TBCD: variants seen among roughly 807,000 people sequenced by gnomAD.
TBCD encodes the protein tubulin folding cofactor D.
In TBCD, 105 loss-of-function variants were observed where a neutral mutation model predicts 169.3. The ratio of observed to expected loss-of-function variants is 0.62; its 90% CI spans 0.53 to 0.73. The LOEUF (loss-of-function observed/expected upper bound fraction) is 0.73. Among genes scored for constraint, TBCD ranks in the 30% least tolerant of loss-of-function variants. The probability of loss-of-function intolerance (pLI) is 0.00; values close to 1 mark genes in which losing one functional copy is unlikely to be tolerated. For missense variants in TBCD, 1,444 were observed against 1,600.1 expected (o/e 0.90, Z 1.66); for synonymous variants, 700 against 643.9 (o/e 1.09, Z -1.32).
At chr17:82,818,535 G>A (rs1278721053) in intron 13 of TBCD, among the ~76,000 whole-genome samples, 8 of 152,220 alleles carry the variant, frequency 5.3e-5, no homozygotes, top group Admixed American at 1.3e-4. Flanking sequence ...GGAGGCCAAG[G>A]CAGGAGGATC....
chr17:82,923,880 T>G lies in TBCD; in HGVS notation c.2260+147T>G. Reference sequence around the variant, plus strand: ...GGAGTGGGACTGTTCGGGTCTCAGGTTCCCAGCCGAGGAGCTGTGGGCAGG... The same window carrying G: ...GGAGTGGGACTGTTCGGGTCTCAGGGTCCCAGCCGAGGAGCTGTGGGCAGG... On this transcript the variant is annotated intron_variant, in intron 26 of 38. Transcript: ENST00000355528. This position sits in a 1 kb window ranked among gnomAD's most constrained non-coding sequence, Gnocchi z 4.6. The G allele has an allele frequency of 1.5e-6, 1 of 662,330 alleles. No homozygotes were observed. Among genetic ancestry groups the G allele is most frequent in the Non-Finnish European group, 2.5e-6 (1 of 393,440 alleles). The allele number at this position is 662,330 out of a possible 1,614,324, so 41.0% of individuals were successfully genotyped here. A position where few individuals can be genotyped will look rare whatever the true frequency, so the allele number is the denominator to read the frequency against.
chr17:82,827,972 C>T lies in TBCD; in HGVS notation c.1318+13038C>T, dbSNP rs201522964. On this transcript the variant is annotated intron_variant, in intron 13 of 38. Coordinates refer to ENST00000355528, the MANE Select transcript of TBCD (RefSeq NM_005993.5). ...TTGAATGTGCATACACTCACAGATA[C>T]GCACACATGCACACCCAATCGAACG... is the stretch of plus-strand genomic sequence containing the variant. Among the ~76,000 whole-genome samples, 35 of 147,266 alleles carry T rather than the reference C, an allele frequency of 2.4e-4. No homozygotes were observed. The East Asian group carries it at 5.8e-3, about 24-fold the overall frequency.
intron 17 of TBCD, among the ~76,000 whole-genome samples, chr17:82,897,996 T>C (rs2059606246): frequency 6.7e-6 from 1 of 148,866 alleles, no homozygotes; most frequent in South Asian, 2.1e-4. Flanking sequence ...TTTCTGTTTT[T>C]CATGAGCATT....
chr17:82,902,388 G>A (rs1213262245), intron 18 of TBCD, among the ~76,000 whole-genome samples: 1 of 152,216 alleles, frequency 6.6e-6, no homozygotes, highest in Non-Finnish European at 1.5e-5. Context: ...AAGAGGCCTC[G>A]GGCTGGGCTT....
intron 2 of TBCD, among the ~76,000 whole-genome samples, chr17:82,758,365 C>T (rs1393125863): frequency 1.6e-5 from 1 of 62,354 alleles, no homozygotes; most frequent in Non-Finnish European, 2.9e-5. Flanking sequence ...GCCTGGGCAA[C>T]AAGAACGAAA....
chr17:82,775,034 T>C lies in TBCD; in HGVS notation c.638+2527T>C, dbSNP rs1023626725. ...TTTTGCCGAGCTTGGCTCTGTGGAG[T>C]GCGGTGCCTGTGGGCCAGGAGGCAC... On this transcript the variant is annotated intron_variant, in intron 6 of 38. Transcript: ENST00000355528. Among the ~76,000 whole-genome samples the C allele has an allele frequency of 3.3e-5, 5 of 152,320 alleles. No individual in the cohort carries two copies. The East Asian group carries it at 9.7e-4, about 29-fold the overall frequency.
chr17:82,787,053 T>C (rs1287426173), intron 7 of TBCD, among the ~76,000 whole-genome samples: 2 of 152,140 alleles, frequency 1.3e-5, no homozygotes, highest in Non-Finnish European at 2.9e-5. Flanking sequence ...CTTTTTATTT[T>C]GACATCTCCA....
In TBCD at chr17:82,920,644, G is replaced by T; in HGVS notation, c.2101+26G>T. ...GTAAGTGCTTTTGTTTTTAATAATAGCATTTTCTTACAGAATGACTTCAGA... is the reference window on the plus strand; with the variant it reads ...GTAAGTGCTTTTGTTTTTAATAATATCATTTTCTTACAGAATGACTTCAGA... On this transcript the variant is annotated intron_variant, in intron 24 of 38. Coordinates refer to ENST00000355528, the MANE Select transcript of TBCD (RefSeq NM_005993.5). This position sits in a 1 kb window ranked among gnomAD's most constrained non-coding sequence, Gnocchi z 4.1. 1 of 1,524,320 alleles carries T rather than the reference G, an allele frequency of 6.6e-7. No homozygotes were observed. 94.4% of individuals were successfully genotyped at this position (1,524,320 alleles called of 1,614,324 possible). A position where few individuals can be genotyped will look rare whatever the true frequency, so the allele number is the denominator to read the frequency against.
chr17:82,865,417 G>T (rs1397184487), intron 13 of TBCD: 1 of 968,992 alleles, frequency 1.0e-6, no homozygotes, highest in African/African-American at 1.8e-5. Flanking sequence ...TCAGTGCTCT[G>T]CAGGGGCCTG....
intron 13 of TBCD, among the ~76,000 whole-genome samples, chr17:82,829,272 C>T (rs564737520): frequency 2.7e-5 from 4 of 150,068 alleles, no homozygotes; most frequent in Admixed American, 6.6e-5. Flanking sequence ...TACACGCACT[C>T]GCAGACATGC....
intron 15 of TBCD, among the ~76,000 whole-genome samples, chr17:82,887,180 CACGT>C (rs1248454071): frequency 1.1e-3 from 125 of 110,404 alleles, no homozygotes; most frequent in African/African-American, 2.8e-3. Context: ...CGCGCGCGCG[CACGT>C]GCGCTCACGC....
chr17:82,911,867 A>AG lies in TBCD; in HGVS notation c.2038+81dup. 3.9e-6 allele frequency: 6 copies of AG among 1,522,216 alleles called. No homozygotes were observed. The Admixed American group carries it at 1.1e-4, about 27-fold the overall frequency. 94.3% of individuals were successfully genotyped at this position (1,522,216 alleles called of 1,614,324 possible). A position where few individuals can be genotyped will look rare whatever the true frequency, so the allele number is the denominator to read the frequency against. On this transcript the variant is annotated intron_variant, in intron 23 of 38. Coordinates refer to ENST00000355528, the MANE Select transcript of TBCD (RefSeq NM_005993.5). ...TGAGGGAGGTGTGCTCGTGGCGTGC[A>AG]GGGCGGCCCATTAGCCCCCAGGGTG...
At chr17:82,867,275 T>C (rs1012424930) in intron 13 of TBCD, among the ~76,000 whole-genome samples, 2 of 152,214 alleles carry the variant, frequency 1.3e-5, no homozygotes, top group Non-Finnish European at 2.9e-5. Context: ...CTGAGGCCAT[T>C]GTCCATGCTG....
In TBCD at chr17:82,832,713, G is replaced by A; in HGVS notation, c.1318+17779G>A. Reference sequence around the variant, plus strand: ...GAAGCCGGCCTCGGCTCGCCACAGTGCCACAGGATCCCTGAAGCAGAACCC... The same window carrying A: ...GAAGCCGGCCTCGGCTCGCCACAGTACCACAGGATCCCTGAAGCAGAACCC... On this transcript the variant is annotated intron_variant, in intron 13 of 38. Transcript: ENST00000355528. The surrounding 1 kb of genome is among the most constrained non-coding windows in gnomAD (Gnocchi z 4.9). 1.9e-6 allele frequency: 1 copy of A among 537,150 alleles called. No homozygotes were observed. Among genetic ancestry groups the A allele is most frequent in the Non-Finnish European group, 3.3e-6 (1 of 299,514 alleles). The allele number at this position is 537,150 out of a possible 1,614,324, so 33.3% of individuals were successfully genotyped here. A position where few individuals can be genotyped will look rare whatever the true frequency, so the allele number is the denominator to read the frequency against.
At chr17:82,934,099 G>A (rs1239326168) in intron 34 of TBCD, among the ~76,000 whole-genome samples, 1 of 152,240 alleles carries the variant, frequency 6.6e-6, no homozygotes, top group Non-Finnish European at 1.5e-5. Context: ...CTCAGGTACT[G>A]GCTGACCCAG....
At chr17:82,759,163 A>G (rs1343607879) in intron 2 of TBCD, among the ~76,000 whole-genome samples, 2 of 152,082 alleles carry the variant, frequency 1.3e-5, no homozygotes, top group Non-Finnish European at 2.9e-5. Context: ...AACAGGCACA[A>G]GCTGCCATGC....
intron 13 of TBCD, among the ~76,000 whole-genome samples, chr17:82,846,122 G>T (rs1213606879): frequency 6.6e-6 from 1 of 152,042 alleles, no homozygotes; most frequent in Non-Finnish European, 1.5e-5. Context: ...AGGGACTCAG[G>T]CCAGTGGGCA....
At chr17:82,940,170 T>C (rs1419691967) in intron 37 of TBCD, among the ~76,000 whole-genome samples, 1 of 151,412 alleles carries the variant, frequency 6.6e-6, no homozygotes, top group Non-Finnish European at 1.5e-5. Context: ...GTCTTACACA[T>C]ATGGGCATGG....
At chr17:82,799,171 G>A (rs1027794656) in intron 8 of TBCD, among the ~76,000 whole-genome samples, 12 of 152,158 alleles carry the variant, frequency 7.9e-5, no homozygotes, top group Non-Finnish European at 1.6e-4. Context: ...CGGACTGGGC[G>A]TTGTGGCTCA....
Sources: gnomAD v4.1 joint callset for allele counts (sites outside exome capture counted in the v4.1 genomes callset) on GRCh38, gnomAD v4.1.1 for gene constraint, Gnocchi (gnomAD v3.1) non-coding constraint, MANE v1.5 for transcripts, NCBI Gene and HGNC (gene_info 2026-07-23, HGNC 2026-07-21) for gene names.